The following TRPM6 variants were observed in gnomAD, a reference collection of about 807,000 sequenced individuals.
TRPM6 encodes the protein channel kinase 2.
TRPM6 carries 111 observed loss-of-function variants against 247.6 expected under a neutral mutation model. The observed-to-expected ratio is 0.45, with a 90% confidence interval of 0.38 to 0.52. TRPM6 has a LOEUF of 0.52. TRPM6 is among the 20% of genes least tolerant of loss of function. TRPM6 has a pLI of 0.00. For missense variants in TRPM6, 2,126 were observed against 2,421.5 expected (o/e 0.88, Z 2.56); for synonymous variants, 892 against 853.8 (o/e 1.04, Z -0.78).
At chr9:74,792,480 G>T in intron 19 of TRPM6, 144 bp downstream of exon 19, 1 of 857,596 alleles carries the variant, frequency 1.2e-6, no homozygotes. Context: ...AGTCCTCTTT[G>T]CTACCTACTT....
intron 19 of TRPM6, among the ~76,000 whole-genome samples, chr9:74,789,419 A>T (rs560455135): frequency 6.6e-6 from 1 of 152,358 alleles, no homozygotes; most frequent in Admixed American, 6.5e-5. Flanking sequence ...AGACATAGTG[A>T]TCACACATAT....
chr9:74,810,621 A>C (rs1828696699), intron 13 of TRPM6, among the ~76,000 whole-genome samples, 194 bp downstream of exon 13: 2 of 152,226 alleles, frequency 1.3e-5, no homozygotes, highest in African/African-American at 4.8e-5. Context: ...AAGTCTTTTA[A>C]AACATAAAGT....
intron 28 of TRPM6, among the ~76,000 whole-genome samples, chr9:74,754,478 C>A (rs888864763): frequency 3.9e-5 from 6 of 152,184 alleles, no homozygotes; most frequent in African/African-American, 1.4e-4. Flanking sequence ...GCATTCCCCC[C>A]ACTTTAGTTA....
At chr9:74,815,969 T>A (rs1828907978) in intron 11 of TRPM6, among the ~76,000 whole-genome samples, 1 of 152,254 alleles carries the variant, frequency 6.6e-6, no homozygotes, top group African/African-American at 2.4e-5. Flanking sequence ...ATGTTTTCAC[T>A]AATTTCTAAT....
chr9:74,771,858 C>A, intron 24 of TRPM6, 23 bp from the exon 25 acceptor site: 1 of 1,610,950 alleles, frequency 6.2e-7, no homozygotes, highest in East Asian at 2.2e-5. Context: ...GTATGAAACA[C>A]AGAAAGAATC....
intron 2 of TRPM6, 61 bp downstream of exon 2, chr9:74,858,608 T>C (rs1830599393): frequency 9.3e-7 from 1 of 1,069,950 alleles, no homozygotes; most frequent in East Asian, 2.4e-5. Context: ...TTTCTAAGTT[T>C]CTATAAATAG....
At chr9:74,782,249 A>T in intron 23 of TRPM6, 113 bp downstream of exon 23, 1 of 741,496 alleles carries the variant, frequency 1.3e-6, no homozygotes, top group Non-Finnish European at 2.3e-6. Context: ...AATAATAATA[A>T]ATATAGAACA....
chr9:74,729,766 C>A (rs1236470639), intron 37 of TRPM6, among the ~76,000 whole-genome samples: 1 of 152,168 alleles, frequency 6.6e-6, no homozygotes, highest in African/African-American at 2.4e-5. Flanking sequence ...TTATTTTAGT[C>A]GTTTAAATTG....
chr9:74,732,762 T>C (rs763281716), intron 36 of TRPM6, 26 bp from the exon 37 acceptor site: 5 of 1,569,662 alleles, frequency 3.2e-6, no homozygotes, highest in Non-Finnish European at 4.4e-6. Flanking sequence ...AAAATTCGTT[T>C]AGCAAATGGA....
rs1049789434 is a variant in TRPM6 at position 74,762,236 on chromosome 9, T to C, written c.4435A>G (p.Thr1479Ala). The change falls in exon 26 of 39, where the codon ACT (threonine) becomes GCT (alanine). Residue 1479 changes from threonine to alanine, a missense_variant. By Grantham distance (58) the Thr-to-Ala change is moderately conservative. Transcript: ENST00000360774. ...CTCCGAGAGGAATCACTGTCACAAG[T>C]GGAGGGCAAGCAGGTTTGCCACTTT... The part of the protein sequence containing the change: ...KKKWQTCLPS[T>A]CDSDSSRSEQ... 2.5e-6 allele frequency: 4 copies of C among 1,614,182 alleles called. No homozygotes were observed. The highest frequency in any genetic ancestry group is 3.4e-6 in the Non-Finnish European group (4 of 1,180,020).
Position 74,821,824 on chromosome 9 carries a change from G to C in TRPM6, c.855C>G (p.Gly285=). 1 of 1,614,060 alleles carries C rather than the reference G, an allele frequency of 6.2e-7. No homozygotes were observed. The highest frequency in any genetic ancestry group is 8.5e-7 in the Non-Finnish European group (1 of 1,179,994). ...CCACCACCAGCCCCACGACCGGCAC[G>C]CCTTGTCTTGAGCCTATTCCAGACC... ...LQKIHCRSRQ[G]VPVVGLVVEG... Residue 285 remains glycine, a synonymous_variant, in exon 8 of 39, where the codon GGC becomes GGG. Coordinates refer to ENST00000360774, the MANE Select transcript of TRPM6 (RefSeq NM_017662.5).
intron 5 of TRPM6, among the ~76,000 whole-genome samples, chr9:74,837,495 G>A (rs1411037743): frequency 1.2e-4 from 18 of 151,732 alleles, no homozygotes; most frequent in Non-Finnish European, 1.9e-4. Flanking sequence ...CGCCCAGGCT[G>A]GAGTGCAGTG....
At chr9:74,826,550 C>A (rs563769390) in intron 7 of TRPM6, among the ~76,000 whole-genome samples, 28 of 152,184 alleles carry the variant, frequency 1.8e-4, no homozygotes, top group Non-Finnish European at 3.8e-4. Flanking sequence ...CCAGGCAGCA[C>A]TCAGCCCTCC....
chr9:74,724,648 C>G lies in TRPM6; in HGVS notation c.6034G>C (p.Gly2012Arg), dbSNP rs569569696. Reference protein sequence around the residue: ...SAEEPPARETGRNSPEDDMQL With the variant: ...SAEEPPARETRRNSPEDDMQL Reference sequence around the variant, plus strand: ...ATATCATCTTCTGGGGAATTTCTACCCGTCTCCCTTGCTGGAGGCTCCTCA... The same window carrying G: ...ATATCATCTTCTGGGGAATTTCTACGCGTCTCCCTTGCTGGAGGCTCCTCA... Residue 2012 changes from glycine to arginine, a missense_variant, in exon 39 of 39, where the codon GGT becomes CGT. Coordinates refer to ENST00000360774, the MANE Select transcript of TRPM6 (RefSeq NM_017662.5). 2 of 1,614,140 alleles carry G rather than the reference C, an allele frequency of 1.2e-6. No homozygotes were observed. Among genetic ancestry groups the G allele is most frequent in the Admixed American group, 3.3e-5 (2 of 60,018 alleles).
chr9:74,821,748 C>A lies in TRPM6; in HGVS notation c.931G>T (p.Asp311Tyr). The A allele has an allele frequency of 6.2e-7, 1 of 1,614,198 alleles. No individual in the cohort carries two copies. The highest frequency in any genetic ancestry group is 1.1e-5 in the South Asian group (1 of 91,082). The change falls in exon 8 of 39, where the codon GAC becomes TAC. Residue 311 changes from aspartate to tyrosine, a missense_variant. Physicochemically the swap from Asp to Tyr is radical, Grantham distance 160 (BLOSUM62 -3). Transcript: ENST00000360774. The part of the protein sequence containing the change: ...LSVWETVKDK[D>Y]PVVVCEGTGR... ...GTGCCCTCACACACCACCACTGGGT[C>A]CTTGTCCTTGACAGTCTCCCACACT...
At chr9:74,822,046 C>T (rs1370806384) in intron 7 of TRPM6, among the ~76,000 whole-genome samples, 6 of 152,182 alleles carry the variant, frequency 3.9e-5, no homozygotes, top group African/African-American at 9.7e-5. Flanking sequence ...ATGGTGACAG[C>T]ATCTTCAAGC....
At chr9:74,875,385 A>T (rs375548408) in intron 1 of TRPM6, 55 of 360,602 alleles carry the variant, frequency 1.5e-4, no homozygotes, top group South Asian at 7.4e-4. Flanking sequence ...TCTACTAAAA[A>T]TACAAAAATT....
Position 74,739,829 on chromosome 9 carries a change from A to C in TRPM6, c.5381T>G (p.Ile1794Ser). ...AATGAAAACTTGTCCCGGCTTGAGA[A>C]TGTCATCCTCAGACCAAGTGCTGAC... is the stretch of plus-strand genomic sequence containing the variant. ...RVVSTWSEDD[I>S]LKPGQVFIVK... Residue 1794 changes from isoleucine to serine, a missense_variant, in exon 34 of 39, where the codon ATT becomes AGT. Ile to Ser is a moderately radical substitution (Grantham distance 142, BLOSUM62 -2). This residue lies in a region of TRPM6 where 327 missense variants were observed against 397.7 expected (regional missense o/e 0.82). Transcript: ENST00000360774. 6.2e-7 allele frequency: 1 copy of C among 1,614,186 alleles called. No homozygotes were observed. The highest frequency in any genetic ancestry group is 8.5e-7 in the Non-Finnish European group (1 of 1,180,030).
Position 74,771,803 on chromosome 9 carries a change from GT to G in TRPM6, c.3435del (p.Lys1145AsnfsTer21). On this transcript the variant is annotated frameshift_variant, in exon 25 of 39. Transcript: ENST00000360774. LOFTEE classifies it high-confidence loss of function. ...ACGCACTGCTCCTCAAAATCATGAA[GT>G]TTTTTCAGATCCTCCTTACTGAGGT... ...KLYLSKEDLK[K>X]LHDFEEQCVE... The G allele has an allele frequency of 6.2e-7, 1 of 1,613,652 alleles. No individual in the cohort carries two copies. Among genetic ancestry groups the G allele is most frequent in the Non-Finnish European group, 8.5e-7 (1 of 1,179,758 alleles).
Sources: gnomAD v4.1 joint callset for allele counts (sites outside exome capture counted in the v4.1 genomes callset) on GRCh38, gnomAD v4.1.1 for gene constraint, gnomAD v4.1.1 regional missense constraint, MANE v1.5 for transcripts, NCBI Gene and HGNC (gene_info 2026-07-23, HGNC 2026-07-21) for gene names.